CSMD1: variants seen among roughly 807,000 people sequenced by gnomAD.
The protein encoded by CSMD1 is CUB and sushi domain-containing protein 1.
A neutral mutation model predicts 417.5 loss-of-function variants in CSMD1; 213 were observed. The ratio of observed to expected loss-of-function variants is 0.51; its 90% CI spans 0.46 to 0.57. The LOEUF (loss-of-function observed/expected upper bound fraction) is 0.57. Ranked by LOEUF, CSMD1 falls within the 20% of genes least tolerant of loss-of-function variation. The pLI, the probability that CSMD1 is intolerant of heterozygous loss-of-function variation, is 0.00. For missense variants in CSMD1, 6,923 were observed against 4,529.7 expected (o/e 1.53, Z -15.17); for synonymous variants, 2,862 against 1,736.8 (o/e 1.65, Z -16.11).
chr8:3,849,598 C>T (rs534325822), intron 5 of CSMD1, among the ~76,000 whole-genome samples: 1 of 152,138 alleles, frequency 6.6e-6, no homozygotes, highest in African/African-American at 2.4e-5. Context: ...GGGAAAAGAA[C>T]AGTGATTCCT....
intron 8 of CSMD1, among the ~76,000 whole-genome samples, chr8:3,591,305 G>C (rs1175980721): frequency 1.3e-5 from 2 of 152,132 alleles, no homozygotes; most frequent in Non-Finnish European, 2.9e-5. Flanking sequence ...TTCTGAAATT[G>C]CTCCGTATTT....
rs537851875 is a variant in CSMD1, at chr8:3,820,894, G to T, written c.819-66852C>A. ...TGCCTTCTTCGGAATACCTCCTTAA[G>T]GACCTGCCTGAGGGTGTTCTATCTT... On this transcript the variant is annotated intron_variant, in intron 5 of 69. Coordinates refer to ENST00000635120, the MANE Select transcript of CSMD1 (RefSeq NM_033225.6). 2.0e-5 allele frequency among the ~76,000 whole-genome samples: 3 copies of T among 151,960 alleles called. No homozygotes were observed. The South Asian group carries it at 6.3e-4, about 32-fold the overall frequency.
intron 1 of CSMD1, among the ~76,000 whole-genome samples, chr8:4,668,365 G>A (rs1311461076): frequency 6.6e-6 from 1 of 150,928 alleles, no homozygotes; most frequent in Non-Finnish European, 1.5e-5. Context: ...TTGAACCCTC[G>A]TCTCTAGCCA....
intron 3 of CSMD1, among the ~76,000 whole-genome samples, chr8:4,113,685 T>G (rs765453502): frequency 2.6e-5 from 4 of 152,180 alleles, no homozygotes; most frequent in Admixed American, 1.3e-4. Context: ...ATTACAGGCA[T>G]GAGCCACCGC....
intron 3 of CSMD1, among the ~76,000 whole-genome samples, chr8:4,351,866 C>T (rs560890415): frequency 3.3e-5 from 5 of 151,850 alleles, no homozygotes; most frequent in South Asian, 2.1e-4. Context: ...TCATTATATA[C>T]GACAGGACTT....
chr8:4,336,082 C>G (rs142193491), intron 3 of CSMD1, among the ~76,000 whole-genome samples: 1 of 152,202 alleles, frequency 6.6e-6, no homozygotes, highest in African/African-American at 2.4e-5. Context: ...ACAAGACAAT[C>G]CACTAATTGA....
intron 1 of CSMD1, among the ~76,000 whole-genome samples, chr8:4,790,755 G>A (rs1303076045): frequency 1.3e-5 from 2 of 152,150 alleles, no homozygotes; most frequent in South Asian, 2.1e-4. Flanking sequence ...TTCAATAAAT[G>A]GTGCTAAGAT....
chr8:4,094,094 G>A (rs1332171314), intron 3 of CSMD1, among the ~76,000 whole-genome samples: 2 of 151,844 alleles, frequency 1.3e-5, no homozygotes, highest in Non-Finnish European at 2.9e-5. Context: ...TGTGTGGATG[G>A]AGGAAAACGG....
chr8:4,562,849 T>C (rs1198943818), intron 2 of CSMD1, among the ~76,000 whole-genome samples: 1 of 152,168 alleles, frequency 6.6e-6, no homozygotes, highest in Non-Finnish European at 1.5e-5. Flanking sequence ...AGAATTCAAA[T>C]GCCTCCAAAA....
intron 5 of CSMD1, among the ~76,000 whole-genome samples, chr8:3,992,136 G>C (rs893452058): frequency 2.6e-5 from 4 of 151,306 alleles, no homozygotes; most frequent in East Asian, 3.9e-4. Context: ...GTGTGTGTGT[G>C]TGTATGTACA....
At chr8:4,651,443 T>C (rs1056518698) in intron 1 of CSMD1, among the ~76,000 whole-genome samples, 1 of 152,194 alleles carries the variant, frequency 6.6e-6, no homozygotes, top group African/African-American at 2.4e-5. Context: ...TTTTGCACTG[T>C]AGCTTGATTA....
intron 1 of CSMD1, among the ~76,000 whole-genome samples, chr8:4,849,682 G>A (rs1410064920): frequency 6.6e-6 from 1 of 152,084 alleles, no homozygotes; most frequent in African/African-American, 2.4e-5. Flanking sequence ...ATTTAGTGCA[G>A]TAACATGCTG....
intron 5 of CSMD1, among the ~76,000 whole-genome samples, chr8:3,780,277 G>C (rs930573782): frequency 1.3e-5 from 2 of 152,234 alleles, no homozygotes; most frequent in African/African-American, 4.8e-5. Flanking sequence ...TACTACAGAA[G>C]AGGCTGAGCA....
intron 3 of CSMD1, among the ~76,000 whole-genome samples, chr8:4,086,386 A>G (rs1435257577): frequency 6.6e-6 from 1 of 152,214 alleles, no homozygotes; most frequent in Non-Finnish European, 1.5e-5. Context: ...AACAAAATTC[A>G]GTACAGGCAG....
intron 12 of CSMD1, among the ~76,000 whole-genome samples, chr8:3,425,842 G>T (rs1045609135): frequency 1.9e-4 from 29 of 152,064 alleles, no homozygotes; most frequent in Non-Finnish European, 1.2e-4. Flanking sequence ...GAAGAACTAT[G>T]ACCTGTTAGA....
chr8:3,971,510 G>T (rs544629684), intron 5 of CSMD1, among the ~76,000 whole-genome samples: 51 of 152,220 alleles, frequency 3.4e-4, no homozygotes, highest in African/African-American at 1.2e-3. Flanking sequence ...CAGAACTCCC[G>T]AATCTATGAT....
intron 50 of CSMD1, among the ~76,000 whole-genome samples, chr8:3,052,224 C>G (rs926288892): frequency 6.6e-6 from 1 of 152,138 alleles, no homozygotes; most frequent in Non-Finnish European, 1.5e-5. Context: ...CAAATTACAT[C>G]GTGTCTATAC....
At chr8:4,052,204 C>T (rs56265817) in intron 3 of CSMD1, among the ~76,000 whole-genome samples, 4,624 of 152,208 alleles carry the variant, frequency 0.03, 146 homozygotes, top group East Asian at 0.16. Context: ...GGGTTACAGG[C>T]ATGAGCCACC....
At chr8:4,235,124 A>G (rs1009684831) in intron 3 of CSMD1, among the ~76,000 whole-genome samples, 2 of 152,096 alleles carry the variant, frequency 1.3e-5, no homozygotes, top group Admixed American at 1.3e-4. Context: ...CTTTAATCCT[A>G]GAAAAAAGAC....
Sources: gnomAD v4.1 joint callset for allele counts (sites outside exome capture counted in the v4.1 genomes callset) on GRCh38, gnomAD v4.1.1 for gene constraint, MANE v1.5 for transcripts, NCBI Gene and HGNC (gene_info 2026-07-23, HGNC 2026-07-21) for gene names.